KIF11: variants seen among roughly 807,000 people sequenced by gnomAD.
KIF11 encodes kinesin family member 11.
A neutral mutation model predicts 121.0 loss-of-function variants in KIF11; 9 were observed. That is an observed-to-expected ratio of 0.07 (90% CI 0.04 to 0.13). The LOEUF is 0.13. KIF11 is among the 10% of genes least tolerant of loss of function. The probability of loss-of-function intolerance (pLI) is 1.00; values close to 1 mark genes in which losing one functional copy is unlikely to be tolerated. For synonymous variants in KIF11, 408 were observed against 421.0 expected (o/e 0.97, Z 0.38); for missense variants, 846 against 1,217.5 (o/e 0.69, Z 4.54).
chr10:92,608,228 C>CAGCCTCCT (rs1844451975), intron 4 of KIF11, among the ~76,000 whole-genome samples: 1 of 150,956 alleles, frequency 6.6e-6, no homozygotes, highest in South Asian at 2.1e-4. Flanking sequence ...CCTCCCACTT[C>CAGCCTCCT]AGCCTCCTGA....
At chr10:92,619,171 C>A (rs1174590657) in intron 9 of KIF11, among the ~76,000 whole-genome samples, 1 of 152,126 alleles carries the variant, frequency 6.6e-6, no homozygotes, top group East Asian at 1.9e-4. Flanking sequence ...TGTTTGCCAC[C>A]ATGTCCAGAT....
At chr10:92,607,116 G>A (rs749701460) in intron 3 of KIF11, 43 bp from the exon 4 acceptor site, 1 of 1,129,750 alleles carries the variant, frequency 8.9e-7, no homozygotes, top group East Asian at 2.4e-5. Flanking sequence ...GAGTCATATG[G>A]GTGCATGTTT....
At chr10:92,604,632 G>A (rs1336521596) in intron 1 of KIF11, among the ~76,000 whole-genome samples, 1 of 152,146 alleles carries the variant, frequency 6.6e-6, no homozygotes, top group Non-Finnish European at 1.5e-5. Flanking sequence ...TACTTAGAGT[G>A]GGCTGTGCCA....
Position 92,653,898 on chromosome 10 carries a change from T to A in KIF11, c.*102T>A. The A allele has an allele frequency of 2.8e-6, 3 of 1,078,618 alleles. No homozygotes were observed. The highest frequency in any genetic ancestry group is 3.9e-6 in the Non-Finnish European group (3 of 760,914). The allele number at this position is 1,078,618 out of a possible 1,614,324, so 66.8% of individuals were successfully genotyped here. Reference sequence around the variant, plus strand: ...TGTATAGATTTTAAAAGAATATATATATCAGCCGGGCGCGGTGGCTCATGC... The same window carrying A: ...TGTATAGATTTTAAAAGAATATATAAATCAGCCGGGCGCGGTGGCTCATGC... On this transcript the variant is annotated 3_prime_UTR_variant, in exon 22 of 22. Coordinates refer to ENST00000260731, the MANE Select transcript of KIF11 (RefSeq NM_004523.4).
At chr10:92,631,890 G>GAAAATTTACTAGTTCTTATCAAGATAAA (rs1488193056) in intron 12 of KIF11, among the ~76,000 whole-genome samples, 1 of 151,970 alleles carries the variant, frequency 6.6e-6, no homozygotes, top group African/African-American at 2.4e-5. Flanking sequence ...GGCCAGGCTG[G>GAAAATTTACTAGTTCTTATCAAGATAAA]TCTCAAACTC....
intron 10 of KIF11, 78 bp from the exon 11 acceptor site, chr10:92,628,730 C>A: frequency 1.4e-6 from 1 of 714,916 alleles, no homozygotes; most frequent in Non-Finnish European, 2.3e-6. Flanking sequence ...GTGTAGCTGT[C>A]ACAATTGTGT....
chr10:92,652,300 C>T (rs1292432983), intron 21 of KIF11, among the ~76,000 whole-genome samples: 1 of 152,082 alleles, frequency 6.6e-6, no homozygotes, highest in African/African-American at 2.4e-5. Flanking sequence ...ACCACCACAC[C>T]TGGCTAATAT....
chr10:92,637,077 T>A, intron 14 of KIF11, 107 bp from the exon 15 acceptor site: 1 of 871,204 alleles, frequency 1.1e-6, no homozygotes, highest in Non-Finnish European at 1.7e-6. Flanking sequence ...AAATGTAAAT[T>A]TTAATGTGAA....
At chr10:92,634,525 C>T (rs531278656) in intron 14 of KIF11, among the ~76,000 whole-genome samples, 3 of 152,114 alleles carry the variant, frequency 2.0e-5, no homozygotes, top group East Asian at 1.9e-4. Flanking sequence ...CCACCCACCT[C>T]GGCCTCCCAA....
At chr10:92,622,767 A>C (rs749672093) in intron 10 of KIF11, among the ~76,000 whole-genome samples, 25 of 152,178 alleles carry the variant, frequency 1.6e-4, no homozygotes, top group Non-Finnish European at 2.8e-4. Context: ...ATTTATAAAG[A>C]AAAGAGGTTT....
At chr10:92,645,758 C>G in intron 18 of KIF11, 116 bp downstream of exon 18, 1 of 788,810 alleles carries the variant, frequency 1.3e-6, no homozygotes, top group Non-Finnish European at 2.0e-6. Flanking sequence ...ATGACTTAAA[C>G]TTTTAAGTAT....
At chr10:92,609,358 T>G (rs373190547) in intron 5 of KIF11, 27 bp from the exon 6 acceptor site, 2 of 1,595,246 alleles carry the variant, frequency 1.3e-6, no homozygotes, top group Non-Finnish European at 1.7e-6. Flanking sequence ...ACCAATCTAA[T>G]GGATGTTCTT....
At chr10:92,609,303 A>AGAGTGTGT (rs1372794402) in intron 5 of KIF11, 82 bp from the exon 6 acceptor site, 33 of 382,576 alleles carry the variant, frequency 8.6e-5, no homozygotes, top group East Asian at 9.4e-5. Flanking sequence ...AGAGAGAGAG[A>AGAGTGTGT]GTGTGTGTGT....
Position 92,638,974 on chromosome 10 carries a change from G to A in KIF11, c.2161-820G>A, listed in dbSNP as rs371649565. On this transcript the variant is annotated intron_variant, in intron 16 of 21. Transcript: ENST00000260731. ...CATTTTGCAATGTAGCATGTTATATGCCTATAAGAGCTTGTTTTCAAAGAT... is the reference window on the plus strand; with the variant it reads ...CATTTTGCAATGTAGCATGTTATATACCTATAAGAGCTTGTTTTCAAAGAT... 7.2e-5 allele frequency among the ~76,000 whole-genome samples: 11 copies of A among 152,188 alleles called. 1 individual carries two copies. Among genetic ancestry groups the A allele is most frequent in the East Asian group, 5.8e-4 (3 of 5,208 alleles).
At chr10:92,604,860 C>A (rs1456060538) in intron 1 of KIF11, among the ~76,000 whole-genome samples, 1 of 151,956 alleles carries the variant, frequency 6.6e-6, no homozygotes, top group African/African-American at 2.4e-5. Context: ...ATTAGTTTTC[C>A]CATAATTCCT....
At chr10:92,607,108 G>A (rs779468431) in intron 3 of KIF11, 51 bp from the exon 4 acceptor site, 1 of 1,058,952 alleles carries the variant, frequency 9.4e-7, no homozygotes, top group Non-Finnish European at 1.5e-6. Context: ...ATCACTAAGA[G>A]TCATATGGGT....
At chr10:92,614,797 T>C (rs1489019060) in intron 8 of KIF11, among the ~76,000 whole-genome samples, 1 of 152,168 alleles carries the variant, frequency 6.6e-6, no homozygotes, top group Non-Finnish European at 1.5e-5. Context: ...ATTTTTTTAC[T>C]TTTAGAGGTA....
chr10:92,602,097 A>G (rs917595480), intron 1 of KIF11, among the ~76,000 whole-genome samples: 1 of 152,134 alleles, frequency 6.6e-6, no homozygotes, highest in African/African-American at 2.4e-5. Context: ...CCATCCCTGT[A>G]TTCCAGGAAT....
In KIF11 at chr10:92,649,511, C is replaced by T. The variant is rs371931351; in HGVS notation, c.2771-324C>T. On this transcript the variant is annotated intron_variant, in intron 19 of 21. Coordinates refer to ENST00000260731, the MANE Select transcript of KIF11 (RefSeq NM_004523.4). ...CAAAGTAATCATGTTGGGAAATCTA[C>T]TCATTCCAATAATGCTGCCATTTTT... Among the ~76,000 whole-genome samples the T allele has an allele frequency of 2.0e-5, 3 of 152,164 alleles. No individual in the cohort carries two copies. In the East Asian group the frequency reaches 5.8e-4, roughly 29 times the overall value.
Sources: allele counts gnomAD v4.1 joint callset (sites outside exome capture counted in the v4.1 genomes callset), GRCh38; gene constraint gnomAD v4.1.1; transcripts MANE v1.5; gene names NCBI Gene and HGNC (gene_info 2026-07-23, HGNC 2026-07-21).